The following SHISA9 variants were observed in gnomAD, a reference collection of about 807,000 sequenced individuals.
The protein encoded by SHISA9 is protein shisa-9.
A neutral mutation model predicts 38.0 loss-of-function variants in SHISA9; 13 were observed. The observed-to-expected ratio is 0.34, with a 90% CI of 0.22 to 0.54. The LOEUF is 0.54. Ranked by LOEUF, SHISA9 falls within the 20% of genes least tolerant of loss-of-function variation. The probability of loss-of-function intolerance (pLI) is 0.91; values close to 1 mark genes in which losing one functional copy is unlikely to be tolerated. For missense variants in SHISA9, 538 were observed against 575.8 expected (o/e 0.93, Z 0.67); for synonymous variants, 275 against 242.0 (o/e 1.14, Z -1.27).
At chr16:12,966,465 G>T (rs542287981) in intron 2 of SHISA9, among the ~76,000 whole-genome samples, 1 of 152,228 alleles carries the variant, frequency 6.6e-6, no homozygotes, top group South Asian at 2.1e-4. Flanking sequence ...ATGTTGCCCA[G>T]GCTGGTCTCG....
At chr16:13,468,919 A>G in the SHISA9 span, among the ~76,000 whole-genome samples, 1 of 151,884 alleles carries the variant, frequency 6.6e-6, no homozygotes, top group Non-Finnish European at 1.5e-5. Context: ...TATATAAAAT[A>G]TATGTGTTGT....
chr16:13,237,198 C>A lies in SHISA9; in HGVS notation c.*1789C>A, dbSNP rs972027191. 1 of 152,230 alleles carries A rather than the reference C, an allele frequency of 6.6e-6. No homozygotes were observed. The highest frequency in any genetic ancestry group is 2.4e-5 in the African/African-American group (1 of 41,458). The allele number at this position is 152,230 out of a possible 1,614,324, so 9.4% of individuals were successfully genotyped here. A position where few individuals can be genotyped will look rare whatever the true frequency, so the allele number is the denominator to read the frequency against. On this transcript the variant is annotated 3_prime_UTR_variant, in exon 5 of 5. Coordinates refer to ENST00000558583, the MANE Select transcript of SHISA9 (RefSeq NM_001145204.3). The stretch of plus-strand genomic sequence containing the variant: ...GTTCTGCCTCACCTGTCTCTCCACT[C>A]TGACATCACGAAATCAGCAAAACCA...
the SHISA9 span, among the ~76,000 whole-genome samples, chr16:13,274,676 A>C: frequency 7.9e-5 from 12 of 152,248 alleles, 1 homozygote; most frequent in East Asian, 2.1e-3. Context: ...GATTATGTCA[A>C]GTGGCCCAAA....
chr16:13,552,425 A>G, the SHISA9 span, among the ~76,000 whole-genome samples: 1 of 151,866 alleles, frequency 6.6e-6, no homozygotes, highest in African/African-American at 2.4e-5. Flanking sequence ...AGGTGTCACG[A>G]TGCCATTTCA....
intron 2 of SHISA9, among the ~76,000 whole-genome samples, chr16:13,036,774 A>G (rs2073070854): frequency 1.3e-5 from 2 of 151,836 alleles, no homozygotes; most frequent in Admixed American, 1.3e-4. Flanking sequence ...CCACAGCAAA[A>G]GGCAATTCAG....
chr16:13,041,120 C>A (rs1312762649), intron 2 of SHISA9, among the ~76,000 whole-genome samples: 2 of 152,160 alleles, frequency 1.3e-5, no homozygotes, highest in Admixed American at 6.5e-5. Context: ...ATGCATGAAC[C>A]TTCGCCTCCC....
chr16:13,016,425 G>A (rs913272301), intron 2 of SHISA9, among the ~76,000 whole-genome samples: 1 of 152,208 alleles, frequency 6.6e-6, no homozygotes, highest in African/African-American at 2.4e-5. Flanking sequence ...GGGGAATAGA[G>A]AATGAGTAAG....
the SHISA9 span, among the ~76,000 whole-genome samples, chr16:13,536,239 C>T: frequency 2.6e-5 from 4 of 152,120 alleles, no homozygotes; most frequent in Non-Finnish European, 5.9e-5. Flanking sequence ...CCTCGTGATC[C>T]GTCCGTGTCG....
chr16:13,253,195 T>C, the SHISA9 span, among the ~76,000 whole-genome samples: 1 of 152,250 alleles, frequency 6.6e-6, no homozygotes, highest in Non-Finnish European at 1.5e-5. Flanking sequence ...TAGTAGGATT[T>C]CTGGTCAATA....
At chr16:13,286,792 C>G in the SHISA9 span, among the ~76,000 whole-genome samples, 1 of 152,232 alleles carries the variant, frequency 6.6e-6, no homozygotes, top group South Asian at 2.1e-4. Context: ...ACTTCTTGAC[C>G]TGATACGTAA....
the SHISA9 span, among the ~76,000 whole-genome samples, chr16:13,379,352 G>A: frequency 8.5e-5 from 13 of 152,206 alleles, no homozygotes; most frequent in Non-Finnish European, 2.9e-5. Flanking sequence ...TGATTAAGAT[G>A]GATGCAGCAT....
chr16:13,427,478 G>A, the SHISA9 span, among the ~76,000 whole-genome samples: 41 of 152,316 alleles, frequency 2.7e-4, no homozygotes, highest in African/African-American at 9.1e-4. Context: ...CAAAAGAACT[G>A]TAGGGAATGA....
chr16:13,483,393 A>C, the SHISA9 span, among the ~76,000 whole-genome samples: 1 of 152,204 alleles, frequency 6.6e-6, no homozygotes, highest in African/African-American at 2.4e-5. Context: ...TTTGCTGCCT[A>C]GCTTTATTCT....
chr16:13,489,304 T>A, the SHISA9 span, among the ~76,000 whole-genome samples: 2 of 151,880 alleles, frequency 1.3e-5, no homozygotes, highest in Non-Finnish European at 2.9e-5. Context: ...CCCACCTCAG[T>A]CTCTCAAAGT....
chr16:13,315,057 G>A, the SHISA9 span, among the ~76,000 whole-genome samples: 2,068 of 147,458 alleles, frequency 0.014, 46 homozygotes, highest in African/African-American at 0.049. Flanking sequence ...CCCTTGAAAT[G>A]ATCTGTGTGT....
At chr16:13,024,677 T>C (rs2072899175) in intron 2 of SHISA9, among the ~76,000 whole-genome samples, 1 of 152,222 alleles carries the variant, frequency 6.6e-6, no homozygotes, top group Admixed American at 6.5e-5. Flanking sequence ...ACAAGTGAGC[T>C]ATTTCACTTC....
At chr16:13,244,143 G>A (rs2051455451), downstream of SHISA9, among the ~76,000 whole-genome samples, 1 of 151,938 alleles carries the variant, frequency 6.6e-6, no homozygotes, top group Non-Finnish European at 1.5e-5. Context: ...CAATTATCTG[G>A]TGAATGCCTA....
chr16:13,087,120 A>G (rs2073720392), intron 2 of SHISA9, among the ~76,000 whole-genome samples: 1 of 139,092 alleles, frequency 7.2e-6, no homozygotes, highest in African/African-American at 2.7e-5. Context: ...AGCTTCATCC[A>G]TGTCCCCGCA....
At chr16:13,290,062 A>G in the SHISA9 span, among the ~76,000 whole-genome samples, 386 of 152,316 alleles carry the variant, frequency 2.5e-3, 3 homozygotes, top group African/African-American at 8.7e-3. Flanking sequence ...GAGATTCAGC[A>G]TTGAACATAG....
Sources: gnomAD v4.1 joint callset for allele counts (sites outside exome capture counted in the v4.1 genomes callset) on GRCh38, gnomAD v4.1.1 for gene constraint, MANE v1.5 for transcripts, NCBI Gene and HGNC (gene_info 2026-07-23, HGNC 2026-07-21) for gene names.